The following AP2M1 variants were observed in gnomAD, a reference collection of about 807,000 sequenced individuals.
AP2M1 encodes the protein adaptor related protein complex 2 subunit mu 1, also known as AP-2 complex subunit mu.
In AP2M1, 5 loss-of-function variants were observed where a neutral mutation model predicts 54.5. That is an observed-to-expected ratio of 0.09 (90% CI 0.05 to 0.19). AP2M1 has a LOEUF of 0.19. AP2M1 is among the 10% of genes least tolerant of loss of function. The pLI is 1.00. For synonymous variants in AP2M1, 186 were observed against 208.2 expected (o/e 0.89, Z 0.92); for missense variants, 178 against 580.2 (o/e 0.31, Z 7.12).
chr3:184,175,110 G>T (rs1715019052), intron 1 of AP2M1, 151 bp downstream of exon 1: 1 of 395,112 alleles, frequency 2.5e-6, no homozygotes, highest in Non-Finnish European at 4.5e-6. Flanking sequence ...GCTAGCTGAC[G>T]GTGGGGCGGG....
chr3:184,181,398 T>A lies in AP2M1; in HGVS notation c.707+172T>A. 1 of 1,028,720 alleles carries A rather than the reference T, an allele frequency of 9.7e-7. No individual in the cohort carries two copies. Among genetic ancestry groups the A allele is most frequent in the Non-Finnish European group, 1.4e-6 (1 of 711,118 alleles). 63.7% of individuals were successfully genotyped at this position (1,028,720 alleles called of 1,614,324 possible). Reference sequence around the variant, plus strand: ...ATTAGTGCTACGAGAGATGAGGGGATCGTCCTCAGAGAGCAAGCCCCTTTG... The same window carrying A: ...ATTAGTGCTACGAGAGATGAGGGGAACGTCCTCAGAGAGCAAGCCCCTTTG... On this transcript the variant is annotated intron_variant, in intron 7 of 11. Transcript: ENST00000292807. The surrounding 1 kb of genome is among the most constrained non-coding windows in gnomAD (Gnocchi z 5.7).
chr3:184,175,337 C>T (rs1356578147), intron 1 of AP2M1, among the ~76,000 whole-genome samples: 1 of 152,122 alleles, frequency 6.6e-6, no homozygotes, highest in Non-Finnish European at 1.5e-5. Flanking sequence ...CGCCGCCTTG[C>T]ACCGTGACAG....
In AP2M1 at chr3:184,180,288, C is replaced by T; in HGVS notation, c.423+37C>T. 1 of 1,605,206 alleles carries T rather than the reference C, an allele frequency of 6.2e-7. No homozygotes were observed. The highest frequency in any genetic ancestry group is 8.5e-7 in the Non-Finnish European group (1 of 1,172,768). On this transcript the variant is annotated intron_variant, in intron 4 of 11. Coordinates refer to ENST00000292807, the MANE Select transcript of AP2M1 (RefSeq NM_004068.4). This position sits in a 1 kb window ranked among gnomAD's most constrained non-coding sequence, Gnocchi z 4.9. The stretch of plus-strand genomic sequence containing the variant: ...GTGCAGACTATAGTCAGGGTGGAGT[C>T]CAATCTCCCTTCATCTCAGCTGGCC...
chr3:184,177,441 C>A (rs1269150353), intron 2 of AP2M1: 2 of 1,140,344 alleles, frequency 1.8e-6, no homozygotes, highest in Non-Finnish European at 2.5e-6. Context: ...ACTAATCCAT[C>A]TAAGCCTTGC....
Position 184,180,501 on chromosome 3 carries a change from G to A in AP2M1, c.424-144G>A. On this transcript the variant is annotated intron_variant, in intron 4 of 11. Transcript: ENST00000292807. The surrounding 1 kb of genome is among the most constrained non-coding windows in gnomAD (Gnocchi z 4.9). ...CCTTTTGCACTGAGGGGTGGGGGAG[G>A]AGGCCTGGTCTTGAGGCCTGGTATT... 7.6e-7 allele frequency: 1 copy of A among 1,315,090 alleles called. No individual in the cohort carries two copies. Among genetic ancestry groups the A allele is most frequent in the African/African-American group, 1.5e-5 (1 of 67,970 alleles). 81.5% of individuals were successfully genotyped at this position (1,315,090 alleles called of 1,614,324 possible). A position where few individuals can be genotyped will look rare whatever the true frequency, so the allele number is the denominator to read the frequency against.
rs1053757436 is a variant in AP2M1, at chr3:184,180,513, T to G, written c.424-132T>G. ...AGGGGTGGGGGAGGAGGCCTGGTCTTGAGGCCTGGTATTCCTCAGGAGGAG... is the reference window on the plus strand; with the variant it reads ...AGGGGTGGGGGAGGAGGCCTGGTCTGGAGGCCTGGTATTCCTCAGGAGGAG... On this transcript the variant is annotated intron_variant, in intron 4 of 11. Coordinates refer to ENST00000292807, the MANE Select transcript of AP2M1 (RefSeq NM_004068.4). This position sits in a 1 kb window ranked among gnomAD's most constrained non-coding sequence, Gnocchi z 4.9. The G allele has an allele frequency of 3.6e-5, 51 of 1,436,140 alleles. No individual in the cohort carries two copies. The highest frequency in any genetic ancestry group is 4.8e-5 in the Non-Finnish European group (50 of 1,040,986). The allele number at this position is 1,436,140 out of a possible 1,614,324, so 89.0% of individuals were successfully genotyped here. A position where few individuals can be genotyped will look rare whatever the true frequency, so the allele number is the denominator to read the frequency against.
intron 2 of AP2M1, chr3:184,177,778 T>G: frequency 1.5e-6 from 1 of 657,200 alleles, no homozygotes; most frequent in Non-Finnish European, 2.6e-6. Flanking sequence ...GGACCTATCC[T>G]AGCCTCCGAG....
chr3:184,179,016 C>T lies in AP2M1; in HGVS notation c.234C>T (p.Val78=). ...AGCAGAATGTCAACGCTGCCATGGT[C>T]TTCGAATTCCTCTATAAGATGTGTG... The part of the protein sequence containing the change: ...VTKQNVNAAM[V]FEFLYKMCDV... Residue 78 remains valine (V), a synonymous_variant, in exon 3 of 12, where the codon GTC becomes GTT. Coordinates refer to ENST00000292807, the MANE Select transcript of AP2M1 (RefSeq NM_004068.4). The T allele has an allele frequency of 6.2e-7, 1 of 1,614,184 alleles. No individual in the cohort carries two copies. The highest frequency in any genetic ancestry group is 8.5e-7 in the Non-Finnish European group (1 of 1,180,044).
rs1014909343 is a variant in AP2M1, at chr3:184,182,916, C to T, written c.1173+48C>T. 2.7e-6 allele frequency: 4 copies of T among 1,504,996 alleles called. No individual in the cohort carries two copies. The highest frequency in any genetic ancestry group is 2.7e-5 in the African/African-American group (2 of 72,770). The allele number at this position is 1,504,996 out of a possible 1,614,324, so 93.2% of individuals were successfully genotyped here. ...AGTCATGCCAGGGTATGCTGGAAGA[C>T]CTCTTAGAGATCATTCCGATAAACT... On this transcript the variant is annotated intron_variant, in intron 11 of 11. Coordinates refer to ENST00000292807, the MANE Select transcript of AP2M1 (RefSeq NM_004068.4). This position sits in a 1 kb window ranked among gnomAD's most constrained non-coding sequence, Gnocchi z 5.5.
In AP2M1 at chr3:184,174,942, G is replaced by T; in HGVS notation, c.-61G>T. ...GGAGAGTGGCCGGGCCGGCAGAGCA[G>T]GGGGCCGAGGACACCAGGTGAGCCG... On this transcript the variant is annotated 5_prime_UTR_variant, in exon 1 of 12. In the 5' UTR this introduces an upstream ATG that the reference lacks. Coordinates refer to ENST00000292807, the MANE Select transcript of AP2M1 (RefSeq NM_004068.4). The T allele has an allele frequency of 2.5e-6, 1 of 398,694 alleles. No individual in the cohort carries two copies. The highest frequency in any genetic ancestry group is 3.6e-5 in the East Asian group (1 of 28,076). 24.7% of individuals were successfully genotyped at this position (398,694 alleles called of 1,614,324 possible).
chr3:184,177,736 C>A, intron 2 of AP2M1: 2 of 883,502 alleles, frequency 2.3e-6, no homozygotes, highest in Non-Finnish European at 3.5e-6. Context: ...ATTCTGCGCC[C>A]CCTTGCACGC....
In AP2M1 at chr3:184,181,307, G is replaced by A. The variant is rs1271764545; in HGVS notation, c.707+81G>A. The A allele has an allele frequency of 6.3e-7, 1 of 1,580,898 alleles. No individual in the cohort carries two copies. Among genetic ancestry groups the A allele is most frequent in the South Asian group, 1.2e-5 (1 of 86,904 alleles). On this transcript the variant is annotated intron_variant, in intron 7 of 11. Transcript: ENST00000292807. This position sits in a 1 kb window ranked among gnomAD's most constrained non-coding sequence, Gnocchi z 5.7. ...GTCTAGTGAACCACAAGTTTCTTCT[G>A]GATTTCATTCCCACTGTAATTGCAA...
chr3:184,183,524 G>A lies in AP2M1; in HGVS notation c.1216G>A (p.Val406Met). The change falls in exon 12 of 12, where the codon GTG becomes ATG. Residue 406 changes from valine (V) to methionine (M), a missense_variant. Val to Met is a conservative substitution (Grantham distance 21). Transcript: ENST00000292807. The surrounding 1 kb of genome is among the most constrained non-coding windows in gnomAD (Gnocchi z 5.7). ...TGGCCTCAAGGTGCGCTACTTGAAG[G>A]TGTTTGAACCGAAGCTGAACTACAG... ...PSGLKVRYLK[V>M]FEPKLNYSDH... 6.2e-7 allele frequency: 1 copy of A among 1,614,076 alleles called. No homozygotes were observed. Among genetic ancestry groups the A allele is most frequent in the Non-Finnish European group, 8.5e-7 (1 of 1,179,914 alleles).
intron 2 of AP2M1, chr3:184,177,923 C>T (rs1325083724): frequency 2.0e-5 from 12 of 597,526 alleles, no homozygotes; most frequent in East Asian, 1.7e-4. Flanking sequence ...TTGGCCCTTG[C>T]GGGCGTTTGT....
intron 2 of AP2M1, chr3:184,177,763 T>C (rs1322708758): frequency 3.2e-5 from 23 of 714,194 alleles, no homozygotes; most frequent in East Asian, 8.2e-5. Context: ...TCTTTGCGAC[T>C]GAAGGGACCT....
Position 184,178,086 on chromosome 3 carries a change from C to G in AP2M1, c.75-771C>G, listed in dbSNP as rs1715139183. On this transcript the variant is annotated intron_variant, in intron 2 of 11. Coordinates refer to ENST00000292807, the MANE Select transcript of AP2M1 (RefSeq NM_004068.4). The surrounding 1 kb of genome is among the most constrained non-coding windows in gnomAD (Gnocchi z 4.9). ...CCAGGTCACACGCCGCCTTGCCTGTCTTGTCTGCTTCTGCCTCACGGTGTG... is the reference window on the plus strand; with the variant it reads ...CCAGGTCACACGCCGCCTTGCCTGTGTTGTCTGCTTCTGCCTCACGGTGTG... 8.6e-7 allele frequency: 1 copy of G among 1,165,226 alleles called. No individual in the cohort carries two copies. The highest frequency in any genetic ancestry group is 2.0e-5 in the Admixed American group (1 of 49,932). The allele number at this position is 1,165,226 out of a possible 1,614,324, so 72.2% of individuals were successfully genotyped here.
chr3:184,175,494 T>C (rs1715040577), intron 1 of AP2M1, among the ~76,000 whole-genome samples: 1 of 152,092 alleles, frequency 6.6e-6, no homozygotes, highest in Non-Finnish European at 1.5e-5. Context: ...CACCCTCTCA[T>C]TACTCTGCAC....
chr3:184,181,583 G>GCAT lies in AP2M1; in HGVS notation c.708-112_708-110dup, dbSNP rs1267781115. The GCAT allele has an allele frequency of 7.0e-7, 1 of 1,428,110 alleles. No individual in the cohort carries two copies. The highest frequency in any genetic ancestry group is 9.6e-7 in the Non-Finnish European group (1 of 1,038,738). 88.5% of individuals were successfully genotyped at this position (1,428,110 alleles called of 1,614,324 possible). On this transcript the variant is annotated intron_variant, in intron 7 of 11. Transcript: ENST00000292807. This position sits in a 1 kb window ranked among gnomAD's most constrained non-coding sequence, Gnocchi z 5.7. The stretch of plus-strand genomic sequence containing the variant: ...GGGCAGACCTCCGAGTCACAAAGCT[G>GCAT]CATTCTAGCAGCTTTTCATAGTCTC...
In AP2M1 at chr3:184,181,416, C is replaced by T. The variant is rs901634760; in HGVS notation, c.707+190C>T. On this transcript the variant is annotated intron_variant, in intron 7 of 11. Transcript: ENST00000292807. The surrounding 1 kb of genome is among the most constrained non-coding windows in gnomAD (Gnocchi z 5.7). Reference sequence around the variant, plus strand: ...GAGGGGATCGTCCTCAGAGAGCAAGCCCCTTTGTTTGGTCCCTAGGACCAA... The same window carrying T: ...GAGGGGATCGTCCTCAGAGAGCAAGTCCCTTTGTTTGGTCCCTAGGACCAA... 50 of 966,528 alleles carry T rather than the reference C, an allele frequency of 5.2e-5. No individual in the cohort carries two copies. Among genetic ancestry groups the T allele is most frequent in the South Asian group, 8.5e-5 (5 of 59,030 alleles). The allele number at this position is 966,528 out of a possible 1,614,324, so 59.9% of individuals were successfully genotyped here.
Sources: allele counts gnomAD v4.1 joint callset (sites outside exome capture counted in the v4.1 genomes callset), GRCh38; gene constraint gnomAD v4.1.1; non-coding constraint Gnocchi (gnomAD v3.1); transcripts MANE v1.5; gene names NCBI Gene and HGNC (gene_info 2026-07-23, HGNC 2026-07-21).